SEC24C: variants seen among roughly 807,000 people sequenced by gnomAD.
SEC24C encodes SEC24 homolog C, COPII component.
SEC24C carries 22 observed loss-of-function variants against 117.0 expected under a neutral mutation model. That is an observed-to-expected ratio of 0.19 (90% CI 0.13 to 0.27). SEC24C has a LOEUF of 0.27. Among genes scored for constraint, SEC24C ranks in the 10% least tolerant of loss-of-function variants. The pLI, the probability that SEC24C is intolerant of heterozygous loss-of-function variation, is 1.00. For missense variants in SEC24C, 1,155 were observed against 1,375.1 expected (o/e 0.84, Z 2.53); for synonymous variants, 506 against 529.4 (o/e 0.96, Z 0.61).
chr10:73,761,820 C>G (rs1257518298), intron 6 of SEC24C, among the ~76,000 whole-genome samples: 2 of 152,052 alleles, frequency 1.3e-5, no homozygotes, highest in African/African-American at 4.8e-5. Context: ...AAGGTTTCTT[C>G]CATTCAGCCT....
intron 6 of SEC24C, 65 bp downstream of exon 6, chr10:73,760,914 G>A (rs1428307029): frequency 6.9e-7 from 1 of 1,454,086 alleles, no homozygotes; most frequent in Non-Finnish European, 9.2e-7. Context: ...GGTCAATCTA[G>A]ATGAAATGTT....
intron 21 of SEC24C, 111 bp from the exon 22 acceptor site, chr10:73,770,598 T>C: frequency 3.3e-6 from 5 of 1,497,330 alleles, no homozygotes. Flanking sequence ...GGGCAGTTGC[T>C]GTCATTCTTC....
rs752570264 is a variant in SEC24C at position 73,769,482 on chromosome 10, T to C, written c.2560T>C (p.Phe854Leu). The C allele has an allele frequency of 1.9e-6, 3 of 1,613,762 alleles. No homozygotes were observed. The South Asian group carries it at 3.3e-5, about 18-fold the overall frequency. ...CACGCTCATCAACTACATGGCCAAG[T>C]TTGGTGAGGGTAGAAGCAGGGCAGG... The part of the protein sequence containing the change: ...TDTLINYMAK[F>L]AYRGVLNSPV... Residue 854 changes from phenylalanine to leucine, a missense_variant, in exon 18 of 23, where the codon TTT (phenylalanine) becomes CTT (leucine). Coordinates refer to ENST00000345254, the MANE Select transcript of SEC24C (RefSeq NM_198597.3). This position sits in a 1 kb window ranked among gnomAD's most constrained non-coding sequence, Gnocchi z 4.5.
In SEC24C at chr10:73,770,702, G is replaced by A. The variant is rs774554256; in HGVS notation, c.3055-7G>A. The A allele has an allele frequency of 7.4e-6, 12 of 1,613,992 alleles. No individual in the cohort carries two copies. The South Asian group carries it at 1.2e-4, about 16-fold the overall frequency. ...TACCATAAGGATAAATGAATTTTGT[G>A]TTCTAGAGTGTTCTGCCAGTTCTGG... On this transcript the variant is annotated splice_polypyrimidine_tract_variant and splice_region_variant and intron_variant, in intron 21 of 22. Transcript: ENST00000345254.
chr10:73,764,047 C>T (rs1164119050), intron 8 of SEC24C, 64 bp downstream of exon 8: 3 of 1,513,356 alleles, frequency 2.0e-6, no homozygotes, highest in Non-Finnish European at 2.7e-6. Flanking sequence ...TCTAAAGCGT[C>T]TTCCTGGATG....
chr10:73,763,838 T>C lies in SEC24C; in HGVS notation c.1100-18T>C. The C allele has an allele frequency of 1.9e-6, 3 of 1,612,418 alleles. No individual in the cohort carries two copies. Among genetic ancestry groups the C allele is most frequent in the Middle Eastern group, 1.7e-4 (1 of 6,058 alleles). ...AGGATTCTGTGATCTGACTCGGGTC[T>C]TCTGCCTCCTTCTTCAGGGAATGCA... On this transcript the variant is annotated intron_variant, in intron 7 of 22. Transcript: ENST00000345254.
chr10:73,766,236 T>C, intron 11 of SEC24C, 26 bp downstream of exon 11: 8 of 1,604,532 alleles, frequency 5.0e-6, no homozygotes, highest in Non-Finnish European at 6.8e-6. Flanking sequence ...CTGAGGTGTT[T>C]CCTGAGGTTA....
chr10:73,767,748 T>C, intron 14 of SEC24C, 89 bp from the exon 15 acceptor site: 1 of 1,010,714 alleles, frequency 9.9e-7, no homozygotes, highest in Non-Finnish European at 1.4e-6. Context: ...TCCATGAATT[T>C]GAATATCCCA....
rs2082880029 is a variant in SEC24C at position 73,766,151 on chromosome 10, G to A, written c.1548G>A (p.Arg516=). 1.9e-6 allele frequency: 3 copies of A among 1,613,714 alleles called. No individual in the cohort carries two copies. The highest frequency in any genetic ancestry group is 1.7e-6 in the Non-Finnish European group (2 of 1,179,860). The change falls in exon 11 of 23, where the codon AGG becomes AGA. Residue 516 remains arginine (R), a synonymous_variant. Transcript: ENST00000345254. ...FMIDVSYNAI[R]TGLVRLLCEE... is the part of the protein sequence containing the mutation. ...TTGACGTCTCCTACAATGCCATCAG[G>A]ACTGGTCTTGTTAGGCTCCTCTGTG...
At position 73,758,723 on chromosome 10, in the gene SEC24C, G is replaced by A. The variant is rs188954524; in HGVS notation, c.309-899G>A. Among the ~76,000 whole-genome samples, 240 of 152,254 alleles carry A rather than the reference G, an allele frequency of 1.6e-3. 2 individuals carry two copies. Among genetic ancestry groups the A allele is most frequent in the Middle Eastern group, 0.01 (3 of 294 alleles). On this transcript the variant is annotated intron_variant, in intron 3 of 22. Coordinates refer to ENST00000345254, the MANE Select transcript of SEC24C (RefSeq NM_198597.3). Reference sequence around the variant, plus strand: ...AATATTTTCAAAGTTCAACTATGTTGTAGTGTATATTAGTACTCCATTCCT... The same window carrying A: ...AATATTTTCAAAGTTCAACTATGTTATAGTGTATATTAGTACTCCATTCCT...
chr10:73,757,189 C>T (rs2082722294), intron 3 of SEC24C, among the ~76,000 whole-genome samples: 1 of 145,340 alleles, frequency 6.9e-6, no homozygotes, highest in Admixed American at 6.7e-5. Flanking sequence ...ACTGGGATTA[C>T]AGGCATGAGC....
intron 2 of SEC24C, among the ~76,000 whole-genome samples, chr10:73,748,823 A>G (rs1048944390): frequency 6.6e-6 from 1 of 150,640 alleles, no homozygotes; most frequent in Non-Finnish European, 1.5e-5. Flanking sequence ...GCTCACTGCA[A>G]CCTCTGCCTC....
chr10:73,770,890 T>C (rs959720715), intron 22 of SEC24C, 65 bp from the exon 23 acceptor site: 2 of 1,610,742 alleles, frequency 1.2e-6, no homozygotes, highest in Non-Finnish European at 1.7e-6. Context: ...GACTGCCTAA[T>C]GAGATTTCTG....
rs1250299225 is a variant in SEC24C, at chr10:73,770,483, G to A, written c.3054+12G>A. 6 of 1,613,526 alleles carry A rather than the reference G, an allele frequency of 3.7e-6. No homozygotes were observed. The highest frequency in any genetic ancestry group is 1.7e-5 in the Admixed American group (1 of 60,006). On this transcript the variant is annotated intron_variant, in intron 21 of 22. Transcript: ENST00000345254. ...TCACCAGTGGTTTGGTGAGGGCAGG[G>A]AGTCAAGGAGAATATGGGTGTGGAA...
chr10:73,772,043 GC>G lies in SEC24C; in HGVS notation c.*950del. On this transcript the variant is annotated 3_prime_UTR_variant, in exon 23 of 23. Transcript: ENST00000345254. ...AGGACAAGGGCTAGGCTTGATGGTG[GC>G]CAGGCTTGCCTGCTCCCCACCTGGG... 2.9e-6 allele frequency: 1 copy of G among 339,688 alleles called. No individual in the cohort carries two copies. The highest frequency in any genetic ancestry group is 5.3e-6 in the Non-Finnish European group (1 of 187,620). 21.0% of individuals were successfully genotyped at this position (339,688 alleles called of 1,614,324 possible).
intron 21 of SEC24C, 57 bp downstream of exon 21, chr10:73,770,528 T>C: frequency 6.3e-7 from 1 of 1,587,542 alleles, no homozygotes; most frequent in South Asian, 1.1e-5. Context: ...GTGAAACAAT[T>C]GGGAGCCAAT....
chr10:73,768,704 T>G, intron 15 of SEC24C, 106 bp from the exon 16 acceptor site: 14 of 942,316 alleles, frequency 1.5e-5, no homozygotes, highest in Non-Finnish European at 2.0e-5. Flanking sequence ...ACTGTTATGA[T>G]GATGATAATT....
In SEC24C at chr10:73,763,933, G is replaced by A. The variant is rs528745330; in HGVS notation, c.1177G>A (p.Val393Met). ...CTSDMAKQAQ[V>M]PLAAVIKPLA... ...ATCTGACATGGCTAAGCAGGCTCAG[G>A]TGCCCCTGGCAGCAGTCATCAAACC... The change falls in exon 8 of 23, where the codon GTG becomes ATG. Residue 393 changes from valine to methionine, a missense_variant. Around this residue, in one of 2 missense-constraint regions of SEC24C, gnomAD observed 759 missense variants for 992.3 expected, o/e 0.76. Transcript: ENST00000345254. 1.8e-5 allele frequency: 29 copies of A among 1,611,082 alleles called. No individual in the cohort carries two copies. In the East Asian group the frequency reaches 6.2e-4, roughly 35 times the overall value.
Position 73,769,209 on chromosome 10 carries a change from A to C in SEC24C, c.2424+57A>C. 2 of 1,604,024 alleles carry C rather than the reference A, an allele frequency of 1.2e-6. No individual in the cohort carries two copies. The highest frequency in any genetic ancestry group is 1.7e-6 in the Non-Finnish European group (2 of 1,174,830). On this transcript the variant is annotated intron_variant, in intron 17 of 22. Coordinates refer to ENST00000345254, the MANE Select transcript of SEC24C (RefSeq NM_198597.3). This position sits in a 1 kb window ranked among gnomAD's most constrained non-coding sequence, Gnocchi z 4.5. ...GTGTTTCATTCGCTTGGTATAGAAGAGGGTGAGGAATGGGTAGAGAGCACT... is the reference window on the plus strand; with the variant it reads ...GTGTTTCATTCGCTTGGTATAGAAGCGGGTGAGGAATGGGTAGAGAGCACT...
Sources: gnomAD v4.1 joint callset for allele counts (sites outside exome capture counted in the v4.1 genomes callset) on GRCh38, gnomAD v4.1.1 for gene constraint, gnomAD v4.1.1 regional missense constraint, Gnocchi (gnomAD v3.1) non-coding constraint, MANE v1.5 for transcripts, NCBI Gene and HGNC (gene_info 2026-07-23, HGNC 2026-07-21) for gene names.